FBXL3: variants seen among roughly 807,000 people sequenced by gnomAD.
FBXL3 encodes the protein F-box and leucine rich repeat protein 3, also known as F-box/LRR-repeat protein 3.
In FBXL3, 14 loss-of-function variants were observed where a neutral mutation model predicts 37.9. The observed-to-expected ratio is 0.37, with a 90% CI of 0.24 to 0.58. FBXL3 has a LOEUF of 0.58. FBXL3 is among the 20% of genes least tolerant of loss of function. The pLI, the probability that FBXL3 is intolerant of heterozygous loss-of-function variation, is 0.74. For synonymous variants in FBXL3, 194 were observed against 180.1 expected, an observed-to-expected ratio of 1.08 and a Z score of -0.62; for missense variants, 327 against 511.1, an observed-to-expected ratio of 0.64 and a Z score of 3.47.
At chr13:77,010,427 A>G (rs940740356) in intron 4 of FBXL3, 1 of 152,164 alleles carries the variant, frequency 6.6e-6, no homozygotes, top group Non-Finnish European at 1.5e-5. Context: ...ATAAGATATC[A>G]TGCCCATGAT....
intron 1 of FBXL3, among the ~76,000 whole-genome samples, chr13:77,023,399 T>C (rs1016122669): frequency 2.0e-5 from 3 of 152,144 alleles, no homozygotes; most frequent in Non-Finnish European, 4.4e-5. Flanking sequence ...AGTGAGCTTG[T>C]GTACGAGAAA....
chr13:77,018,905 C>A, intron 2 of FBXL3, 183 bp from the exon 3 acceptor site: 1 of 469,756 alleles, frequency 2.1e-6, no homozygotes, highest in Non-Finnish European at 3.4e-6. Flanking sequence ...TTCAATCATC[C>A]ACCCTCCACC....
intron 3 of FBXL3, chr13:77,017,328 T>C (rs1273102532): frequency 6.6e-6 from 1 of 152,200 alleles, no homozygotes; most frequent in Non-Finnish European, 1.5e-5. Context: ...TATACATACA[T>C]ACCATATGAG....
rs745444479 is a variant in FBXL3 at position 77,007,375 on chromosome 13, G to T, written c.1057C>A (p.Arg353Ser). The T allele has an allele frequency of 6.2e-7, 1 of 1,614,092 alleles. No homozygotes were observed. Among genetic ancestry groups the T allele is most frequent in the South Asian group, 1.1e-5 (1 of 91,078 alleles). ...GLRPLDEELI[R>S]IAERCKNLSA... ...AAATTTTTGCAACGTTCTGCAATGC[G>T]AATTAACTCTTCATCAAGTGGCCGT... is the stretch of plus-strand genomic sequence containing the variant. Residue 353 changes from arginine (R) to serine (S), a missense_variant, in exon 5 of 5, where the codon CGC (arginine) becomes AGC (serine). Coordinates refer to ENST00000355619, the MANE Select transcript of FBXL3 (RefSeq NM_012158.4).
Position 77,007,940 on chromosome 13 carries a change from TAACA to T in FBXL3, c.644-156_644-153del, listed in dbSNP as rs1191511605. On this transcript the variant is annotated intron_variant, in intron 4 of 4. Coordinates refer to ENST00000355619, the MANE Select transcript of FBXL3 (RefSeq NM_012158.4). ...GTGCATAGTTGAATTAGAAGGGAAG[TAACA>T]AACATTTAAAATCTATTACTAATTT... 9 of 581,034 alleles carry T rather than the reference TAACA, an allele frequency of 1.5e-5. No individual in the cohort carries two copies. The East Asian group carries it at 2.0e-4, about 13-fold the overall frequency. The allele number at this position is 581,034 out of a possible 1,614,324, so 36.0% of individuals were successfully genotyped here.
chr13:77,024,636 A>C (rs964740583), intron 1 of FBXL3, among the ~76,000 whole-genome samples: 3 of 152,230 alleles, frequency 2.0e-5, no homozygotes, highest in African/African-American at 7.2e-5. Context: ...GTTTTAAATA[A>C]AATGTACTTA....
intron 1 of FBXL3, among the ~76,000 whole-genome samples, chr13:77,024,117 T>A (rs9573984): frequency 0.052 from 7,990 of 152,252 alleles, 364 homozygotes; most frequent in East Asian, 0.19. Context: ...TGACTTGAGA[T>A]TAGTTTTTTT....
chr13:77,026,231 C>T, intron 1 of FBXL3: 1 of 985,428 alleles, frequency 1.0e-6, no homozygotes. Context: ...TCTGCAACCC[C>T]ACCTAAAGGA....
chr13:77,026,525 G>C (rs373337692), intron 1 of FBXL3, among the ~76,000 whole-genome samples: 2 of 152,202 alleles, frequency 1.3e-5, no homozygotes, highest in African/African-American at 4.8e-5. Flanking sequence ...AGCCTGGCAG[G>C]AGCCGCGGCG....
chr13:77,009,701 C>T (rs2034514625), intron 4 of FBXL3: 1 of 152,138 alleles, frequency 6.6e-6, no homozygotes, highest in Admixed American at 6.5e-5. Flanking sequence ...GTGGCAATTC[C>T]TTAAGGATCT....
intron 4 of FBXL3, among the ~76,000 whole-genome samples, chr13:77,012,483 A>C (rs1367845673): frequency 1.3e-5 from 2 of 152,238 alleles, no homozygotes; most frequent in East Asian, 3.8e-4. Flanking sequence ...ACTATAATGC[A>C]ATGTTGGCTT....
chr13:77,014,634 G>T (rs886619755), intron 4 of FBXL3: 7 of 152,186 alleles, frequency 4.6e-5, no homozygotes, highest in Admixed American at 6.5e-5. Context: ...TGGCAAGAAG[G>T]TTGGAAGTGT....
chr13:77,023,461 G>A (rs986136998), intron 1 of FBXL3, among the ~76,000 whole-genome samples: 1 of 152,018 alleles, frequency 6.6e-6, no homozygotes, highest in Non-Finnish European at 1.5e-5. Context: ...AACAGTAGAC[G>A]GCAGATTACA....
At chr13:77,026,077 T>C in intron 1 of FBXL3, 1 of 672,256 alleles carries the variant, frequency 1.5e-6, no homozygotes, top group Non-Finnish European at 1.8e-6. Flanking sequence ...AGTTACTTTT[T>C]TTTCAAGTTA....
chr13:77,012,279 T>C (rs1156524533), intron 4 of FBXL3, among the ~76,000 whole-genome samples: 2 of 151,028 alleles, frequency 1.3e-5, no homozygotes, highest in African/African-American at 2.4e-5. Context: ...AATTGGTGAT[T>C]AGTGGTGGTA....
At chr13:77,026,260 G>A (rs1250948156) in intron 1 of FBXL3, 12 of 985,320 alleles carry the variant, frequency 1.2e-5, no homozygotes, top group Non-Finnish European at 1.4e-5. Flanking sequence ...GCCAAAGGCA[G>A]ACGCGAATCC....
chr13:77,023,521 A>G (rs188506560), intron 1 of FBXL3, among the ~76,000 whole-genome samples: 131 of 152,152 alleles, frequency 8.6e-4, no homozygotes, highest in African/African-American at 2.7e-3. Context: ...TGTTTTACAC[A>G]TTTTCTTTTA....
At chr13:77,022,103 T>C (rs149387278) in intron 1 of FBXL3, among the ~76,000 whole-genome samples, 1 of 152,354 alleles carries the variant, frequency 6.6e-6, no homozygotes, top group East Asian at 1.9e-4. Flanking sequence ...ATCAGTATAA[T>C]ATACAGTATA....
chr13:77,011,930 T>G (rs2034561888), intron 4 of FBXL3, among the ~76,000 whole-genome samples: 1 of 152,122 alleles, frequency 6.6e-6, no homozygotes, highest in Non-Finnish European at 1.5e-5. Context: ...GATCACTAGG[T>G]ATGTACCTAA....
Sources: allele counts gnomAD v4.1 joint callset (sites outside exome capture counted in the v4.1 genomes callset), GRCh38; gene constraint gnomAD v4.1.1; transcripts MANE v1.5; gene names NCBI Gene and HGNC (gene_info 2026-07-23, HGNC 2026-07-21).